Variants in NPAS2 observed in about 807,000 individuals in gnomAD.
NPAS2 encodes the protein neuronal PAS domain-containing protein 2.
NPAS2 carries 23 observed loss-of-function variants against 107.5 expected under a neutral mutation model. The observed-to-expected ratio is 0.21, with a 90% CI of 0.15 to 0.30. The LOEUF is 0.30. NPAS2 is among the 10% of genes least tolerant of loss of function. The probability of loss-of-function intolerance (pLI) is 1.00; values close to 1 mark genes in which losing one functional copy is unlikely to be tolerated. For missense variants in NPAS2, 756 were observed against 1,043.3 expected, an observed-to-expected ratio of 0.72 and a Z score of 3.79; for synonymous variants, 403 against 417.5, an observed-to-expected ratio of 0.97 and a Z score of 0.42.
At position 100,847,812 on chromosome 2, in the gene NPAS2, G is replaced by A. The variant is rs138290793; in HGVS notation, c.-23+27398G>A. 1.9e-3 allele frequency among the ~76,000 whole-genome samples: 286 copies of A among 152,258 alleles called. 3 individuals carry two copies. Among genetic ancestry groups the A allele is most frequent in the African/African-American group, 6.0e-3 (249 of 41,546 alleles). On this transcript the variant is annotated intron_variant, in intron 1 of 20. Coordinates refer to ENST00000335681, the MANE Select transcript of NPAS2 (RefSeq NM_002518.4). ...TGACACATGTAATCAGAACGCCTTC[G>A]CCATATATGAAGACCTTTAGGAAAA...
intron 1 of NPAS2, among the ~76,000 whole-genome samples, chr2:100,821,658 TC>T (rs1031311165): frequency 6.6e-6 from 1 of 152,146 alleles, no homozygotes; most frequent in Non-Finnish European, 1.5e-5. Context: ...TGTAGCTTGG[TC>T]CCCATCAGTG....
chr2:100,842,081 G>GCGCGTGCACACACACACACACA, intron 1 of NPAS2, among the ~76,000 whole-genome samples: 1 of 148,798 alleles, frequency 6.7e-6, no homozygotes, highest in Non-Finnish European at 1.5e-5. Context: ...GCATGTACGC[G>GCGCGTGCACACACACACACACA]CACACACACA....
At chr2:100,829,460 G>C (rs754392284) in intron 1 of NPAS2, among the ~76,000 whole-genome samples, 1 of 152,158 alleles carries the variant, frequency 6.6e-6, no homozygotes, top group Non-Finnish European at 1.5e-5. Context: ...GACGTTATTG[G>C]TGTGAAATAA....
chr2:100,996,088 C>T lies in NPAS2; in HGVS notation c.*506C>T. ...TTTTGTTTTAATTTGCACAGCTACA[C>T]AGAGGAAATAACTTAGGCACTTTCT... is the stretch of plus-strand genomic sequence containing the variant. On this transcript the variant is annotated 3_prime_UTR_variant, in exon 21 of 21. Coordinates refer to ENST00000335681, the MANE Select transcript of NPAS2 (RefSeq NM_002518.4). 1 of 649,518 alleles carries T rather than the reference C, an allele frequency of 1.5e-6. No homozygotes were observed. Among genetic ancestry groups the T allele is most frequent in the Non-Finnish European group, 2.1e-6 (1 of 469,536 alleles). The allele number at this position is 649,518 out of a possible 1,614,324, so 40.2% of individuals were successfully genotyped here.
At chr2:100,877,954 A>G (rs543010928) in intron 1 of NPAS2, 279 of 985,154 alleles carry the variant, frequency 2.8e-4, no homozygotes, top group Admixed American at 6.8e-4. Flanking sequence ...ACACTACATA[A>G]AAAGTGCTGG....
At chr2:100,878,057 G>A (rs1255140604) in intron 1 of NPAS2, 15 of 985,344 alleles carry the variant, frequency 1.5e-5, no homozygotes, top group African/African-American at 1.7e-5. Context: ...TGGACCTGCC[G>A]TGATTGCAAA....
chr2:100,964,007 C>T (rs1676067800), intron 7 of NPAS2, 51 bp from the exon 8 acceptor site: 4 of 1,176,696 alleles, frequency 3.4e-6, no homozygotes, highest in Non-Finnish European at 5.1e-6. Flanking sequence ...GGATTGGCTG[C>T]TGTCACCAGA....
rs562566622 is a variant in NPAS2, at chr2:100,899,144, A to ATAGAGTGC, written c.-22-5581_-22-5574dup. Among the ~76,000 whole-genome samples the ATAGAGTGC allele has an allele frequency of 7.9e-5, 12 of 152,050 alleles. No individual in the cohort carries two copies. The South Asian group carries it at 2.3e-3, about 29-fold the overall frequency. On this transcript the variant is annotated intron_variant, in intron 1 of 20. Transcript: ENST00000335681. The stretch of plus-strand genomic sequence containing the variant: ...GACAAAGCGTGCTGGGGTGTCCTGG[A>ATAGAGTGC]TAGAGTGCTAGAGTGGAAAACGGAC...
intron 1 of NPAS2, among the ~76,000 whole-genome samples, chr2:100,860,293 A>G (rs2104522989): frequency 6.6e-6 from 1 of 152,294 alleles, no homozygotes; most frequent in Middle Eastern, 3.4e-3. Context: ...CAGATTCTGT[A>G]CTTCTGGCAG....
At chr2:100,971,917 C>T (rs1489408382) in intron 12 of NPAS2, among the ~76,000 whole-genome samples, 2 of 148,866 alleles carry the variant, frequency 1.3e-5, no homozygotes, top group African/African-American at 4.9e-5. Flanking sequence ...AGGAAGGTGT[C>T]AACTGGAAGA....
At chr2:100,942,795 T>TTAGTATCGCCTTTTGTTTCACCGTG (rs1364838543) in intron 5 of NPAS2, among the ~76,000 whole-genome samples, 3 of 152,300 alleles carry the variant, frequency 2.0e-5, no homozygotes, top group Non-Finnish European at 4.4e-5. Flanking sequence ...GCTAAACTCT[T>TTAGTATCGCCTTTTGTTTCACCGTG]TAGTATCGCC....
intron 1 of NPAS2, among the ~76,000 whole-genome samples, chr2:100,890,409 A>C (rs1342535788): frequency 1.3e-5 from 2 of 151,908 alleles, no homozygotes; most frequent in African/African-American, 4.8e-5. Flanking sequence ...CCCTGAATGC[A>C]CCTCCACACA....
At chr2:100,970,905 C>T (rs1234684863) in intron 11 of NPAS2, 85 bp from the exon 12 acceptor site, 13 of 1,214,838 alleles carry the variant, frequency 1.1e-5, no homozygotes, top group Non-Finnish European at 1.2e-5. Context: ...TAGAGAACCT[C>T]GATGTACCTT....
intron 1 of NPAS2, among the ~76,000 whole-genome samples, chr2:100,871,489 C>G (rs1679584837): frequency 6.6e-6 from 1 of 152,066 alleles, no homozygotes; most frequent in African/African-American, 2.4e-5. Flanking sequence ...TGCTGCTGTG[C>G]TTGGCTAATT....
At chr2:100,889,045 A>G (rs563897489) in intron 1 of NPAS2, among the ~76,000 whole-genome samples, 1 of 152,370 alleles carries the variant, frequency 6.6e-6, no homozygotes, top group East Asian at 1.9e-4. Flanking sequence ...GATCTAAAAC[A>G]TCTTTAATAT....
chr2:100,944,788 C>T (rs1340600644), intron 5 of NPAS2, among the ~76,000 whole-genome samples: 1 of 152,112 alleles, frequency 6.6e-6, no homozygotes, highest in African/African-American at 2.4e-5. Context: ...TTGCATCCAG[C>T]GTTCGTCTTT....
chr2:100,988,359 G>C (rs1677894537), intron 17 of NPAS2, 83 bp downstream of exon 17: 2 of 1,239,188 alleles, frequency 1.6e-6, no homozygotes, highest in East Asian at 4.7e-5. Flanking sequence ...GATTCCTGCA[G>C]CCTACGTGAA....
intron 15 of NPAS2, among the ~76,000 whole-genome samples, chr2:100,979,726 C>T (rs1022140182): frequency 2.6e-5 from 4 of 151,880 alleles, no homozygotes; most frequent in African/African-American, 9.7e-5. Context: ...GACGGGGTTT[C>T]GCTGTGTTGG....
chr2:100,904,749 A>T lies in NPAS2; in HGVS notation c.-6A>T. The stretch of plus-strand genomic sequence containing the variant: ...TTTTTGCAGGAAAAACTGCATAGAA[A>T]ATCTAATGGATGAAGATGAGAAAGA... On this transcript the variant is annotated 5_prime_UTR_variant, in exon 2 of 21. Transcript: ENST00000335681. 6.2e-7 allele frequency: 1 copy of T among 1,602,828 alleles called. No individual in the cohort carries two copies. The highest frequency in any genetic ancestry group is 8.5e-7 in the Non-Finnish European group (1 of 1,173,492).
Sources: gnomAD v4.1 joint callset for allele counts (sites outside exome capture counted in the v4.1 genomes callset) on GRCh38, gnomAD v4.1.1 for gene constraint, MANE v1.5 for transcripts, NCBI Gene and HGNC (gene_info 2026-07-23, HGNC 2026-07-21) for gene names.